The following REEP1 variants were observed in gnomAD, a reference collection of about 807,000 sequenced individuals.
REEP1 encodes receptor expression-enhancing protein 1.
REEP1 carries 22 observed loss-of-function variants against 40.3 expected under a neutral mutation model. That is an observed-to-expected ratio of 0.55 (90% CI 0.39 to 0.78). The LOEUF (loss-of-function observed/expected upper bound fraction) is 0.78, where lower values mean the gene tolerates loss of function less well. Ranked by LOEUF, REEP1 falls within the 30% of genes least tolerant of loss-of-function variation. The pLI, the probability that REEP1 is intolerant of heterozygous loss-of-function variation, is 0.00. For synonymous variants in REEP1, 116 were observed against 139.2 expected, an observed-to-expected ratio of 0.83 and a Z score of 1.17; for missense variants, 280 against 361.1, an observed-to-expected ratio of 0.78 and a Z score of 1.82.
chr2:86,237,142 T>A (rs1359250643), intron 5 of REEP1, among the ~76,000 whole-genome samples: 1 of 152,246 alleles, frequency 6.6e-6, no homozygotes, highest in Non-Finnish European at 1.5e-5. Flanking sequence ...ATATACTTGG[T>A]TGTTATTCTC....
At position 86,292,687 on chromosome 2, in the gene REEP1, G is replaced by T. The variant is rs78739052; in HGVS notation, c.33-10445C>A. Among the ~76,000 whole-genome samples the T allele has an allele frequency of 4.2e-3, 639 of 152,220 alleles. 10 individuals carry two copies. Among genetic ancestry groups the T allele is most frequent in the African/African-American group, 0.015 (619 of 41,522 alleles). On this transcript the variant is annotated intron_variant, in intron 1 of 8. Transcript: ENST00000538924. ...AGCCCCCTACATGGTATATATTTAGGCTGAGAAAAGGACTGCTGGGCCTTC... is the reference window on the plus strand; with the variant it reads ...AGCCCCCTACATGGTATATATTTAGTCTGAGAAAAGGACTGCTGGGCCTTC...
At chr2:86,271,731 G>C (rs751389493) in intron 2 of REEP1, among the ~76,000 whole-genome samples, 142 of 152,338 alleles carry the variant, frequency 9.3e-4, no homozygotes, top group Non-Finnish European at 1.4e-3. Flanking sequence ...TGACTCCTTA[G>C]CAGGGGGCAA....
chr2:86,316,548 C>CAAA lies in REEP1; in HGVS notation c.32+20928_32+20930dup, dbSNP rs58561932. Among the ~76,000 whole-genome samples the CAAA allele has an allele frequency of 8.2e-3, 575 of 70,276 alleles. 15 individuals are homozygous for CAAA. The highest frequency in any genetic ancestry group is 0.035 in the East Asian group (82 of 2,340). The allele number at this position is 70,276 out of a possible 152,430, so 46.1% of individuals were successfully genotyped here. A position where few individuals can be genotyped will look rare whatever the true frequency, so the allele number is the denominator to read the frequency against. On this transcript the variant is annotated intron_variant, in intron 1 of 8. Coordinates refer to ENST00000538924, the MANE Select transcript of REEP1 (RefSeq NM_001371279.1). ...AGGCAACAAGAACGAAACTCTGTCT[C>CAAA]AAAAAAAAAAAAAAAAAAAAATCAA...
rs527788838 is a variant in REEP1, at chr2:86,225,551, G to A, written c.631+1812C>T. Among the ~76,000 whole-genome samples the A allele has an allele frequency of 1.5e-4, 23 of 152,318 alleles. 1 individual carries two copies. The highest frequency in any genetic ancestry group is 5.2e-4 in the Admixed American group (8 of 15,312). ...CTCCCAAAGTGCTGGGATTACAGGT[G>A]TGAGCCACTGCGCCTGTCCTAATCC... On this transcript the variant is annotated intron_variant, in intron 7 of 8. Transcript: ENST00000538924.
intron 1 of REEP1, among the ~76,000 whole-genome samples, chr2:86,334,074 C>T (rs940997961): frequency 6.6e-6 from 1 of 152,200 alleles, no homozygotes; most frequent in Non-Finnish European, 1.5e-5. Context: ...CACAACCAAC[C>T]TTCACTCAGT....
intron 1 of REEP1, among the ~76,000 whole-genome samples, chr2:86,313,732 T>A (rs1679867857): frequency 1.3e-5 from 2 of 152,104 alleles, no homozygotes; most frequent in African/African-American, 4.8e-5. Context: ...AAAGACCAGG[T>A]GTGAGATGAG....
intron 3 of REEP1, among the ~76,000 whole-genome samples, chr2:86,261,056 A>G (rs1676828109): frequency 6.6e-6 from 1 of 152,198 alleles, no homozygotes; most frequent in South Asian, 2.1e-4. Context: ...GCTACCCAGG[A>G]GGAACACAGC....
rs1189879179 is a variant in REEP1, at chr2:86,337,550, C to T, written c.-40G>A. ...CGGGCGAGGCCCGGGCGGCGCGGCTCGGCTAGGCTGCGGGCGGCGCGGGCT... is the reference window on the plus strand; with the variant it reads ...CGGGCGAGGCCCGGGCGGCGCGGCTTGGCTAGGCTGCGGGCGGCGCGGGCT... On this transcript the variant is annotated 5_prime_UTR_variant, in exon 1 of 9. Transcript: ENST00000538924. The surrounding 1 kb of genome is among the most constrained non-coding windows in gnomAD (Gnocchi z 5.8). The T allele has an allele frequency of 4.1e-5, 50 of 1,223,346 alleles. No homozygotes were observed. The highest frequency in any genetic ancestry group is 5.0e-5 in the Non-Finnish European group (49 of 982,674). 75.8% of individuals were successfully genotyped at this position (1,223,346 alleles called of 1,614,324 possible).
intron 7 of REEP1, among the ~76,000 whole-genome samples, chr2:86,223,217 A>T (rs1189723368): frequency 6.6e-6 from 1 of 152,132 alleles, no homozygotes; most frequent in Non-Finnish European, 1.5e-5. Flanking sequence ...ATGTTTCTGT[A>T]TTAGCAAATG....
chr2:86,227,473 G>C (rs541069022), intron 6 of REEP1, 75 bp from the exon 7 acceptor site: 5 of 1,182,810 alleles, frequency 4.2e-6, no homozygotes, highest in Non-Finnish European at 5.3e-6. Flanking sequence ...AAACAGGGAG[G>C]CCCTGGAGAG....
At chr2:86,228,055 C>G (rs1288511335) in intron 6 of REEP1, among the ~76,000 whole-genome samples, 2 of 152,190 alleles carry the variant, frequency 1.3e-5, no homozygotes, top group Non-Finnish European at 2.9e-5. Context: ...CCTGCCTGCC[C>G]TGACCCTTTA....
At chr2:86,254,206 T>C (rs1676425296) in intron 4 of REEP1, among the ~76,000 whole-genome samples, 1 of 152,214 alleles carries the variant, frequency 6.6e-6, no homozygotes, top group Admixed American at 6.5e-5. Flanking sequence ...TCTTTCTTTC[T>C]TTTTTTAAGA....
At chr2:86,322,758 AT>A (rs917193909) in intron 1 of REEP1, among the ~76,000 whole-genome samples, 36 of 149,874 alleles carry the variant, frequency 2.4e-4, no homozygotes, top group African/African-American at 7.8e-4. Context: ...CTGGCCCCCA[AT>A]TTTTTTTTTA....
At chr2:86,311,899 G>A (rs1330121719) in intron 1 of REEP1, among the ~76,000 whole-genome samples, 1 of 152,098 alleles carries the variant, frequency 6.6e-6, no homozygotes, top group African/African-American at 2.4e-5. Context: ...CTATCACAGA[G>A]GTCACCAATG....
chr2:86,219,810 C>G (rs2103962379), intron 8 of REEP1, among the ~76,000 whole-genome samples, 160 bp downstream of exon 8: 1 of 152,200 alleles, frequency 6.6e-6, no homozygotes, highest in Non-Finnish European at 1.5e-5. Flanking sequence ...TGGATGCTAT[C>G]CAGTGACTGG....
chr2:86,332,610 G>A (rs1039159278), intron 1 of REEP1, among the ~76,000 whole-genome samples: 2 of 152,204 alleles, frequency 1.3e-5, no homozygotes, highest in Admixed American at 6.5e-5. Context: ...AAAAGATAGC[G>A]GGCTTCAGAA....
chr2:86,290,822 A>G (rs937559048), intron 1 of REEP1, among the ~76,000 whole-genome samples: 1 of 152,200 alleles, frequency 6.6e-6, no homozygotes, highest in Non-Finnish European at 1.5e-5. Flanking sequence ...TCAGGTTCCC[A>G]TAGCACAGCA....
chr2:86,305,352 C>T (rs1031748728), intron 1 of REEP1, among the ~76,000 whole-genome samples: 4 of 152,188 alleles, frequency 2.6e-5, no homozygotes, highest in South Asian at 2.1e-4. Flanking sequence ...TCTGTGTACC[C>T]GTTTCCTCCC....
intron 1 of REEP1, among the ~76,000 whole-genome samples, chr2:86,285,363 C>T (rs1678332254): frequency 6.6e-6 from 1 of 152,200 alleles, no homozygotes; most frequent in Non-Finnish European, 1.5e-5. Flanking sequence ...TTTCTTGATA[C>T]TATTTAAGCC....
Sources: allele counts gnomAD v4.1 joint callset (sites outside exome capture counted in the v4.1 genomes callset), GRCh38; gene constraint gnomAD v4.1.1; non-coding constraint Gnocchi (gnomAD v3.1); transcripts MANE v1.5; gene names NCBI Gene and HGNC (gene_info 2026-07-23, HGNC 2026-07-21).